Variants in SUGCT observed in about 807,000 individuals in gnomAD.
SUGCT encodes the protein succinyl-CoA:glutarate CoA-transferase.
Under a neutral mutation model 55.0 loss-of-function variants are expected in SUGCT, and 41 were observed. The ratio of observed to expected loss-of-function variants is 0.74; its 90% CI spans 0.58 to 0.97. The LOEUF is 0.97. Ranked by LOEUF, SUGCT falls within the 50% of genes least tolerant of loss-of-function variation. SUGCT has a pLI of 0.00. For synonymous variants in SUGCT, 187 were observed against 200.4 expected (o/e 0.93, Z 0.56); for missense variants, 568 against 547.8 (o/e 1.04, Z -0.37).
the SUGCT span, among the ~76,000 whole-genome samples, chr7:40,871,144 T>C: frequency 6.6e-6 from 1 of 152,190 alleles, no homozygotes; most frequent in Non-Finnish European, 1.5e-5. Flanking sequence ...CTAGGTCCCC[T>C]TTGCAGACGA....
chr7:40,733,895 A>G (rs1056097981), intron 12 of SUGCT, among the ~76,000 whole-genome samples: 1 of 152,218 alleles, frequency 6.6e-6, no homozygotes, highest in Non-Finnish European at 1.5e-5. Flanking sequence ...CTTCTATCAT[A>G]CTATATCAAG....
chr7:40,725,420 G>A (rs182072609), intron 12 of SUGCT, among the ~76,000 whole-genome samples: 15 of 152,126 alleles, frequency 9.9e-5, no homozygotes, highest in East Asian at 3.9e-4. Context: ...TGCGTTTTCC[G>A]TGAACCCTTG....
In SUGCT at chr7:40,358,932, T is replaced by C. The variant is rs376224209; in HGVS notation, c.816+42077T>C. On this transcript the variant is annotated intron_variant, in intron 9 of 13. Coordinates refer to ENST00000335693, the MANE Select transcript of SUGCT (RefSeq NM_001193313.2). The stretch of plus-strand genomic sequence containing the variant: ...GTTATGTATACTTCCAGGCATGTGT[T>C]ATATCTCTCAGGCATAGGTAACTGT... 2.0e-5 allele frequency among the ~76,000 whole-genome samples: 3 copies of C among 152,342 alleles called. No homozygotes were observed. In the East Asian group the frequency reaches 5.8e-4, roughly 29 times the overall value.
chr7:40,908,243 C>T, the SUGCT span, among the ~76,000 whole-genome samples: 10 of 151,574 alleles, frequency 6.6e-5, no homozygotes, highest in East Asian at 9.7e-4. Flanking sequence ...ATTAGCTGGG[C>T]GTGGTGGCGG....
intron 13 of SUGCT, among the ~76,000 whole-genome samples, chr7:40,779,169 T>C (rs899972591): frequency 1.3e-5 from 2 of 152,138 alleles, no homozygotes; most frequent in African/African-American, 4.8e-5. Flanking sequence ...ATCTGCAAAA[T>C]GGGAATCAAC....
intron 11 of SUGCT, among the ~76,000 whole-genome samples, chr7:40,467,204 GAAAAAAAAAAA>G (rs762283927): frequency 6.0e-5 from 5 of 83,622 alleles, no homozygotes; most frequent in Non-Finnish European, 9.2e-5. Flanking sequence ...CTAAGAAAAA[GAAAAAAAAAAA>G]AAAAAAAAAA....
chr7:40,883,839 A>G, the SUGCT span, among the ~76,000 whole-genome samples: 3 of 152,160 alleles, frequency 2.0e-5, no homozygotes, highest in Non-Finnish European at 2.9e-5. Flanking sequence ...ATCCTGGTCT[A>G]CCTACTTCAG....
At chr7:40,516,382 G>C (rs765023888) in intron 12 of SUGCT, among the ~76,000 whole-genome samples, 1 of 152,034 alleles carries the variant, frequency 6.6e-6, no homozygotes, top group Non-Finnish European at 1.5e-5. Flanking sequence ...ATTATTACTT[G>C]TGCTTTTGGT....
intron 7 of SUGCT, among the ~76,000 whole-genome samples, chr7:40,245,942 C>T (rs1789844862): frequency 6.6e-6 from 1 of 152,034 alleles, no homozygotes; most frequent in East Asian, 1.9e-4. Context: ...TGAATCGATC[C>T]TCCCATGTCA....
At chr7:40,907,803 A>G in the SUGCT span, among the ~76,000 whole-genome samples, 1 of 152,202 alleles carries the variant, frequency 6.6e-6, no homozygotes, top group African/African-American at 2.4e-5. Flanking sequence ...ACTGCATTAT[A>G]CAGCTGTAAT....
At chr7:40,884,375 C>T in the SUGCT span, among the ~76,000 whole-genome samples, 1 of 152,204 alleles carries the variant, frequency 6.6e-6, no homozygotes, top group African/African-American at 2.4e-5. Flanking sequence ...TTGCTCATAA[C>T]CCTCTGGTGA....
the SUGCT span, among the ~76,000 whole-genome samples, chr7:41,027,125 A>G: frequency 2.0e-3 from 309 of 152,358 alleles, no homozygotes; most frequent in African/African-American, 6.7e-3. Context: ...GTTAATGCAT[A>G]CATTCTCTTT....
At chr7:40,148,244 G>T (rs552951356) in intron 1 of SUGCT, among the ~76,000 whole-genome samples, 7 of 151,880 alleles carry the variant, frequency 4.6e-5, no homozygotes, top group African/African-American at 1.4e-4. Context: ...AGAAGGCAAA[G>T]AATTGAACAT....
intron 7 of SUGCT, among the ~76,000 whole-genome samples, chr7:40,270,045 A>C (rs1375780891): frequency 6.6e-6 from 1 of 151,362 alleles, no homozygotes; most frequent in African/African-American, 2.4e-5. Flanking sequence ...CTGAGATAAG[A>C]GAATTGCATG....
chr7:40,621,111 A>G (rs1387389363), intron 12 of SUGCT, among the ~76,000 whole-genome samples: 5 of 152,090 alleles, frequency 3.3e-5, no homozygotes, highest in Non-Finnish European at 5.9e-5. Context: ...CTATCATCAC[A>G]GGCTTATTTA....
At chr7:40,144,617 T>C (rs1788153283) in intron 1 of SUGCT, among the ~76,000 whole-genome samples, 1 of 152,094 alleles carries the variant, frequency 6.6e-6, no homozygotes, top group African/African-American at 2.4e-5. Flanking sequence ...CTAGGGGTGG[T>C]ACCTGTGCTA....
rs148328598 is a variant in SUGCT, at chr7:40,658,424, C to T, written c.1090-91010C>T. Among the ~76,000 whole-genome samples the T allele has an allele frequency of 1.8e-3, 269 of 152,268 alleles. 2 individuals carry two copies. The highest frequency in any genetic ancestry group is 6.3e-3 in the African/African-American group (260 of 41,542). On this transcript the variant is annotated intron_variant, in intron 12 of 13. Transcript: ENST00000335693. ...CCTAATATTATTATAATCCCAAACT[C>T]GGCTTAAAGTCCTATCTTTTTCCCA...
At chr7:40,876,658 C>T in the SUGCT span, among the ~76,000 whole-genome samples, 1 of 152,182 alleles carries the variant, frequency 6.6e-6, no homozygotes, top group Non-Finnish European at 1.5e-5. Context: ...AGGAAAGCTT[C>T]ACCACCATAA....
At chr7:40,703,220 A>G (rs1475483639) in intron 12 of SUGCT, among the ~76,000 whole-genome samples, 1 of 152,066 alleles carries the variant, frequency 6.6e-6, no homozygotes, top group Non-Finnish European at 1.5e-5. Flanking sequence ...GTGTGCCACC[A>G]TGCCCGGCTA....
Sources: gnomAD v4.1 joint callset for allele counts (sites outside exome capture counted in the v4.1 genomes callset) on GRCh38, gnomAD v4.1.1 for gene constraint, MANE v1.5 for transcripts, NCBI Gene and HGNC (gene_info 2026-07-23, HGNC 2026-07-21) for gene names.